PLCB1: variants seen among roughly 807,000 people sequenced by gnomAD.
PLCB1 encodes the protein 1-phosphatidylinositol 4,5-bisphosphate phosphodiesterase beta-1.
In PLCB1, 46 loss-of-function variants were observed where a neutral mutation model predicts 161.8. The ratio of observed to expected loss-of-function variants is 0.28; its 90% CI spans 0.22 to 0.36. The LOEUF (loss-of-function observed/expected upper bound fraction) is 0.36, where lower values mean the gene tolerates loss of function less well. Among genes scored for constraint, PLCB1 ranks in the 10% least tolerant of loss-of-function variants. The probability of loss-of-function intolerance (pLI) is 1.00; values close to 1 mark genes in which losing one functional copy is unlikely to be tolerated. For missense variants in PLCB1, 1,016 were observed against 1,472.5 expected (o/e 0.69, Z 5.07); for synonymous variants, 517 against 503.7 (o/e 1.03, Z -0.35).
At chr20:8,729,860 CA>C (rs1207038857) in intron 18 of PLCB1, 1 of 151,928 alleles carries the variant, frequency 6.6e-6, no homozygotes, top group African/African-American at 2.4e-5. Context: ...ACTCCGCTGT[CA>C]GCAATGTTTA....
intron 3 of PLCB1, among the ~76,000 whole-genome samples, chr20:8,549,252 T>C (rs2122987028): frequency 6.6e-6 from 1 of 152,286 alleles, no homozygotes; most frequent in South Asian, 2.1e-4. Context: ...TTGATATAGA[T>C]GAAGTGAAAT....
At chr20:8,432,676 C>T (rs1384606884) in intron 3 of PLCB1, among the ~76,000 whole-genome samples, 1 of 151,948 alleles carries the variant, frequency 6.6e-6, no homozygotes, top group African/African-American at 2.4e-5. Flanking sequence ...TTTTTCTTTT[C>T]TAAGAAATTA....
chr20:8,489,174 T>C (rs1041234530), intron 3 of PLCB1, among the ~76,000 whole-genome samples: 6 of 152,048 alleles, frequency 3.9e-5, no homozygotes, highest in African/African-American at 1.4e-4. Context: ...ACGTCTATTA[T>C]GGGGAGATGA....
chr20:8,289,474 G>T (rs1983282721), intron 2 of PLCB1, among the ~76,000 whole-genome samples: 1 of 152,152 alleles, frequency 6.6e-6, no homozygotes, highest in African/African-American at 2.4e-5. Context: ...ACAGCTCGGT[G>T]AAATAGGTTC....
At chr20:8,390,501 T>C (rs1453968507) in intron 3 of PLCB1, among the ~76,000 whole-genome samples, 1 of 152,206 alleles carries the variant, frequency 6.6e-6, no homozygotes, top group East Asian at 1.9e-4. Context: ...TGTTCCCTCA[T>C]TACATTACAA....
At position 8,881,810 on chromosome 20, in the gene PLCB1, A is replaced by G; in HGVS notation, c.3612A>G (p.Gly1204=). 1 of 1,614,068 alleles carries G rather than the reference A, an allele frequency of 6.2e-7. No individual in the cohort carries two copies. The highest frequency in any genetic ancestry group is 8.5e-7 in the Non-Finnish European group (1 of 1,179,922). Residue 1204 remains glycine (G), a synonymous_variant, in exon 32 of 32, where the codon GGA becomes GGG. Coordinates refer to ENST00000338037, the MANE Select transcript of PLCB1 (RefSeq NM_015192.4). ...NHKTPSSEEL[G]GDIPGKEFDT... is the part of the protein sequence containing the mutation. ...AGACTCCCTCCAGTGAGGAGCTGGGAGGAGACATCCCAGGAAAAGAATTTG... is the reference window on the plus strand; with the variant it reads ...AGACTCCCTCCAGTGAGGAGCTGGGGGGAGACATCCCAGGAAAAGAATTTG...
rs577750127 is a variant in PLCB1 at position 8,444,938 on chromosome 20, G to T, written c.246+73488G>T. On this transcript the variant is annotated intron_variant, in intron 3 of 31. Coordinates refer to ENST00000338037, the MANE Select transcript of PLCB1 (RefSeq NM_015192.4). ...TTTGTTTGAGTTCTTTGTAGATTCT[G>T]GATATTAGCCCTTTGTCAGATAAGT... 7.3e-5 allele frequency among the ~76,000 whole-genome samples: 11 copies of T among 151,680 alleles called. No individual in the cohort carries two copies. In the East Asian group the frequency reaches 2.1e-3, roughly 29 times the overall value.
chr20:8,763,326 C>T (rs561963721), intron 25 of PLCB1, among the ~76,000 whole-genome samples: 12 of 152,226 alleles, frequency 7.9e-5, no homozygotes, highest in South Asian at 2.1e-4. Context: ...CTCAGCCTCC[C>T]GAGTGGCTGG....
intron 2 of PLCB1, among the ~76,000 whole-genome samples, chr20:8,163,255 G>C (rs922146093): frequency 6.6e-6 from 1 of 152,192 alleles, no homozygotes; most frequent in African/African-American, 2.4e-5. Context: ...AGACAGTGCA[G>C]AGAGGAGAGG....
rs144204401 is a variant in PLCB1 at position 8,551,586 on chromosome 20, T to C, written c.247-76708T>C. ...TCTGGTAGACTGTCCTTTTGCATGC[T>C]GGAGAGTGAGCTCTTCCAGAGGCAG... On this transcript the variant is annotated intron_variant, in intron 3 of 31. Coordinates refer to ENST00000338037, the MANE Select transcript of PLCB1 (RefSeq NM_015192.4). Among the ~76,000 whole-genome samples, 28 of 152,260 alleles carry C rather than the reference T, an allele frequency of 1.8e-4. No homozygotes were observed. In the East Asian group the frequency reaches 4.5e-3, roughly 24 times the overall value.
At chr20:8,173,810 C>T (rs975048612) in intron 2 of PLCB1, among the ~76,000 whole-genome samples, 12 of 151,836 alleles carry the variant, frequency 7.9e-5, no homozygotes, top group African/African-American at 2.4e-4. Flanking sequence ...TAAAAAGAAC[C>T]ACATGTAAAG....
chr20:8,373,541 G>T (rs1006176411), intron 3 of PLCB1, among the ~76,000 whole-genome samples: 1 of 152,182 alleles, frequency 6.6e-6, no homozygotes, highest in Admixed American at 6.5e-5. Context: ...CTCCAGAAAT[G>T]CTGGTACCAT....
intron 2 of PLCB1, among the ~76,000 whole-genome samples, chr20:8,156,402 T>A (rs544914410): frequency 2.0e-5 from 3 of 152,198 alleles, no homozygotes; most frequent in African/African-American, 7.2e-5. Context: ...CACTCCTGAT[T>A]GTGTTCTAAA....
intron 14 of PLCB1, 139 bp downstream of exon 14, chr20:8,717,987 G>A (rs184389584): frequency 6.2e-6 from 4 of 642,614 alleles, no homozygotes; most frequent in East Asian, 3.1e-5. Flanking sequence ...TCAGGAGTTC[G>A]AGACCATCCT....
intron 31 of PLCB1, among the ~76,000 whole-genome samples, chr20:8,864,524 C>T (rs1044496608): frequency 6.4e-4 from 97 of 152,252 alleles, no homozygotes; most frequent in Middle Eastern, 3.4e-3. Context: ...CAGAAGTACA[C>T]TTGATAAATT....
At chr20:8,510,685 C>T (rs1264832626) in intron 3 of PLCB1, among the ~76,000 whole-genome samples, 2 of 152,118 alleles carry the variant, frequency 1.3e-5, no homozygotes, top group East Asian at 3.8e-4. Context: ...GCCACCGTGC[C>T]CGGCAACCCT....
Position 8,372,443 on chromosome 20 carries a change from T to A in PLCB1, c.246+993T>A, listed in dbSNP as rs964052218. Among the ~76,000 whole-genome samples, 21 of 152,352 alleles carry A rather than the reference T, an allele frequency of 1.4e-4. No individual in the cohort carries two copies. In the East Asian group the frequency reaches 3.7e-3, roughly 27 times the overall value. On this transcript the variant is annotated intron_variant, in intron 3 of 31. Coordinates refer to ENST00000338037, the MANE Select transcript of PLCB1 (RefSeq NM_015192.4). ...TATGACACAGCAAACACACGGCTGC[T>A]GGGTTTTTTAATTTTTTAATTTTTA... is the stretch of plus-strand genomic sequence containing the variant.
chr20:8,612,589 A>G (rs1376998939), intron 3 of PLCB1, among the ~76,000 whole-genome samples: 1 of 152,152 alleles, frequency 6.6e-6, no homozygotes, highest in Non-Finnish European at 1.5e-5. Flanking sequence ...TCGCGCATCC[A>G]CTAAACCCCA....
rs752723995 is a variant in PLCB1 at position 8,717,666 on chromosome 20, A to G, written c.1336-5A>G. 1.4e-5 allele frequency: 22 copies of G among 1,600,326 alleles called. No homozygotes were observed. The highest frequency in any genetic ancestry group is 1.7e-4 in the Middle Eastern group (1 of 5,976). ...TTTAAAGAATATGCCTTTCATTTCT[A>G]TTAGCTGGAATCTGGAGTTCCTCTT... On this transcript the variant is annotated splice_polypyrimidine_tract_variant and splice_region_variant and intron_variant, in intron 13 of 31. Transcript: ENST00000338037.
Sources: allele counts gnomAD v4.1 joint callset (sites outside exome capture counted in the v4.1 genomes callset), GRCh38; gene constraint gnomAD v4.1.1; transcripts MANE v1.5; gene names NCBI Gene and HGNC (gene_info 2026-07-23, HGNC 2026-07-21).